PPP1R42: variants seen among roughly 807,000 people sequenced by gnomAD.
PPP1R42 encodes the protein protein phosphatase 1 regulatory subunit 42.
PPP1R42 carries 34 observed loss-of-function variants against 31.0 expected under a neutral mutation model. The observed-to-expected ratio is 1.10, with a 90% CI of 0.83 to 1.46. The LOEUF is 1.46. Ranked by LOEUF, PPP1R42 falls within the 40% of genes most tolerant of loss-of-function variation. The probability of loss-of-function intolerance (pLI) is 0.00; values close to 1 mark genes in which losing one functional copy is unlikely to be tolerated. For missense variants in PPP1R42, 268 were observed against 303.0 expected, an observed-to-expected ratio of 0.88 and a Z score of 0.86; for synonymous variants, 103 against 109.8, an observed-to-expected ratio of 0.94 and a Z score of 0.39.
At chr8:66,988,105 G>C (rs1815080781) in intron 6 of PPP1R42, 2 of 1,021,666 alleles carry the variant, frequency 2.0e-6, no homozygotes, top group Non-Finnish European at 2.3e-6. Flanking sequence ...ACGAAAGTTT[G>C]GCAAAAGGTC....
chr8:66,986,772 T>C (rs2130929849), intron 6 of PPP1R42, among the ~76,000 whole-genome samples: 1 of 152,346 alleles, frequency 6.6e-6, no homozygotes, highest in African/African-American at 2.4e-5. Flanking sequence ...GGCTTCTGCG[T>C]TTGTGCTCAA....
At chr8:66,973,206 C>T (rs1814580767) in intron 7 of PPP1R42, among the ~76,000 whole-genome samples, 1 of 151,960 alleles carries the variant, frequency 6.6e-6, no homozygotes, top group Non-Finnish European at 1.5e-5. Flanking sequence ...TGAAATGAAG[C>T]TTACATACTA....
intron 1 of PPP1R42, among the ~76,000 whole-genome samples, chr8:67,021,939 ATGAT>A (rs1425458374): frequency 2.0e-5 from 3 of 151,910 alleles, no homozygotes; most frequent in Admixed American, 2.0e-4. Context: ...ATTTTTCCTA[ATGAT>A]TGATCTTTGA....
chr8:67,010,280 G>T (rs1028757576), intron 5 of PPP1R42, among the ~76,000 whole-genome samples: 2 of 152,064 alleles, frequency 1.3e-5, no homozygotes, highest in Non-Finnish European at 2.9e-5. Flanking sequence ...TAATATAGCT[G>T]GTAGAAATTA....
intron 5 of PPP1R42, among the ~76,000 whole-genome samples, chr8:67,000,441 C>T (rs1815450081): frequency 1.3e-5 from 2 of 152,028 alleles, no homozygotes; most frequent in South Asian, 4.1e-4. Flanking sequence ...GACTTTGTTT[C>T]ATTTCATATG....
In PPP1R42 at chr8:67,010,762, T is replaced by G; in HGVS notation, c.505A>C (p.Asn169His). 6.2e-7 allele frequency: 1 copy of G among 1,608,478 alleles called. No individual in the cohort carries two copies. Among genetic ancestry groups the G allele is most frequent in the South Asian group, 1.1e-5 (1 of 89,130 alleles). ...TCAACGGCTATGAGCTGATTAAGAT[T>G]CTCTAGTAGTTCTAAGTCTGTAATG... ...DDITDLELLENLNQLIAVDNQ... is the reference protein window; with the variant it reads ...DDITDLELLEHLNQLIAVDNQ... The change falls in exon 5 of 8, where the codon AAT becomes CAT. Residue 169 changes from asparagine to histidine, a missense_variant. Asn to His is a moderately conservative substitution (Grantham distance 68). Coordinates refer to ENST00000685739, the MANE Select transcript of PPP1R42 (RefSeq NM_001364910.1).
At chr8:67,006,264 A>G (rs1169909104) in intron 5 of PPP1R42, among the ~76,000 whole-genome samples, 3 of 152,254 alleles carry the variant, frequency 2.0e-5, no homozygotes, top group South Asian at 4.1e-4. Context: ...AACCTGATCT[A>G]AAATATCCGC....
At chr8:66,976,512 C>A (rs891840422) in intron 7 of PPP1R42, among the ~76,000 whole-genome samples, 7 of 152,068 alleles carry the variant, frequency 4.6e-5, no homozygotes, top group Non-Finnish European at 7.4e-5. Flanking sequence ...ATTTTGTAAC[C>A]TTTACCAAAT....
At chr8:67,006,362 C>G (rs1253099096) in intron 5 of PPP1R42, among the ~76,000 whole-genome samples, 1 of 152,132 alleles carries the variant, frequency 6.6e-6, no homozygotes, top group East Asian at 1.9e-4. Flanking sequence ...GTTATCCAGT[C>G]TGGAGTGCAG....
At position 66,998,217 on chromosome 8, in the gene PPP1R42, C is replaced by T. The variant is rs1480253363; in HGVS notation, c.553-9700G>A. Among the ~76,000 whole-genome samples, 8 of 152,278 alleles carry T rather than the reference C, an allele frequency of 5.3e-5. No homozygotes were observed. In the East Asian group the frequency reaches 1.5e-3, roughly 29 times the overall value. Reference sequence around the variant, plus strand: ...GGTATCTCTCTCCATTTATGTAGATCTTCTTTAATTTCTTCCAATATTTTG... The same window carrying T: ...GGTATCTCTCTCCATTTATGTAGATTTTCTTTAATTTCTTCCAATATTTTG... On this transcript the variant is annotated intron_variant, in intron 5 of 7. Transcript: ENST00000685739.
intron 1 of PPP1R42, among the ~76,000 whole-genome samples, chr8:67,021,564 A>G (rs1012414200): frequency 2.6e-5 from 4 of 152,168 alleles, no homozygotes; most frequent in Non-Finnish European, 5.9e-5. Context: ...ATATTTCATA[A>G]AATATTTCAT....
intron 5 of PPP1R42, among the ~76,000 whole-genome samples, chr8:67,005,819 TC>T (rs1157015261): frequency 1.3e-5 from 2 of 152,208 alleles, no homozygotes; most frequent in African/African-American, 4.8e-5. Context: ...TGAAACTCAT[TC>T]TTCATATAGC....
At chr8:66,976,627 T>A (rs1814683702) in intron 7 of PPP1R42, among the ~76,000 whole-genome samples, 2 of 151,948 alleles carry the variant, frequency 1.3e-5, no homozygotes, top group Non-Finnish European at 1.5e-5. Flanking sequence ...TTTTTTTTTT[T>A]AGCTTTCACA....
At chr8:66,983,056 G>A (rs1814891649) in intron 6 of PPP1R42, among the ~76,000 whole-genome samples, 1 of 151,968 alleles carries the variant, frequency 6.6e-6, no homozygotes, top group Non-Finnish European at 1.5e-5. Context: ...GATTACAGAG[G>A]TGTGATAGAA....
intron 7 of PPP1R42, among the ~76,000 whole-genome samples, chr8:66,974,699 A>G (rs1337184350): frequency 1.3e-5 from 2 of 152,132 alleles, no homozygotes; most frequent in African/African-American, 4.8e-5. Context: ...AGAAATTTGT[A>G]TGTCTTCTTT....
At chr8:67,021,613 C>T (rs998298018) in intron 1 of PPP1R42, among the ~76,000 whole-genome samples, 11 of 152,200 alleles carry the variant, frequency 7.2e-5, no homozygotes, top group Admixed American at 2.6e-4. Flanking sequence ...TATGGACCCA[C>T]AGGTCAGCTT....
In PPP1R42 at chr8:66,982,148, C is replaced by A. The variant is rs773739812; in HGVS notation, c.703G>T (p.Glu235Ter). 1.4e-6 allele frequency: 2 copies of A among 1,459,836 alleles called. No homozygotes were observed. Among genetic ancestry groups the A allele is most frequent in the South Asian group, 1.4e-5 (1 of 70,836 alleles). 90.4% of individuals were successfully genotyped at this position (1,459,836 alleles called of 1,614,324 possible). A position where few individuals can be genotyped will look rare whatever the true frequency, so the allele number is the denominator to read the frequency against. Residue 235 changes from glutamate (E) to a stop codon, truncating the protein, a stop_gained, in exon 7 of 8, where the codon GAA (glutamate) becomes TAA (stop). Transcript: ENST00000685739. LOFTEE classifies it high-confidence loss of function. ...TTCCAATTCATTAGGAATTGTCTTTCTATATTTTTAATTTCTTTTCCATCA... is the reference window on the plus strand; with the variant it reads ...TTCCAATTCATTAGGAATTGTCTTTATATATTTTTAATTTCTTTTCCATCA... ...FLDGKEIKNI[E>*]RQFLMNWKAS...
chr8:67,005,068 C>A (rs1815631527), intron 5 of PPP1R42, among the ~76,000 whole-genome samples: 1 of 148,196 alleles, frequency 6.7e-6, no homozygotes. Context: ...TATTGGCTAA[C>A]ATTTCAGTGT....
Position 66,988,416 on chromosome 8 carries a change from C to T in PPP1R42, c.654G>A (p.Leu218=). The change falls in exon 6 of 8, where the codon TTG becomes TTA. Residue 218 remains leucine, a synonymous_variant. Transcript: ENST00000685739. ...LKPKYRDRLI[L]VSKSLEFLDG... is the part of the protein sequence containing the mutation. ...AATATGTACCCAGTGATTTGGACAC[C>T]AATATCAGTCTGTCCCTGTATTTTG... The T allele has an allele frequency of 1.9e-6, 3 of 1,568,538 alleles. No homozygotes were observed. Among genetic ancestry groups the T allele is most frequent in the Non-Finnish European group, 2.6e-6 (3 of 1,155,644 alleles).
Sources: gnomAD v4.1 joint callset for allele counts (sites outside exome capture counted in the v4.1 genomes callset) on GRCh38, gnomAD v4.1.1 for gene constraint, MANE v1.5 for transcripts, NCBI Gene and HGNC (gene_info 2026-07-23, HGNC 2026-07-21) for gene names.